PRKAR1B: variants seen among roughly 807,000 people sequenced by gnomAD.
PRKAR1B encodes cAMP-dependent protein kinase type I-beta regulatory subunit.
PRKAR1B carries 22 observed loss-of-function variants against 46.5 expected under a neutral mutation model. The observed-to-expected ratio is 0.47, with a 90% CI of 0.34 to 0.68. PRKAR1B has a LOEUF of 0.68. Ranked by LOEUF, PRKAR1B falls within the 30% of genes least tolerant of loss-of-function variation. The pLI is 0.01. For missense variants in PRKAR1B, 445 were observed against 535.6 expected, an observed-to-expected ratio of 0.83 and a Z score of 1.67; for synonymous variants, 259 against 217.7, an observed-to-expected ratio of 1.19 and a Z score of -1.67.
intron 4 of PRKAR1B, among the ~76,000 whole-genome samples, chr7:639,247 C>CG (rs1784272916): frequency 6.6e-6 from 1 of 152,138 alleles, no homozygotes; most frequent in Non-Finnish European, 1.5e-5. Context: ...ATTAGTAAAA[C>CG]GGATTTGTAC....
At chr7:551,064 A>T (rs1784155076) in intron 10 of PRKAR1B, among the ~76,000 whole-genome samples, 1 of 150,196 alleles carries the variant, frequency 6.7e-6, no homozygotes, top group South Asian at 2.1e-4. Context: ...AAGCCCACCC[A>T]CCCCCAGCTG....
At chr7:610,998 C>A (rs753654327) in intron 4 of PRKAR1B, among the ~76,000 whole-genome samples, 4 of 152,222 alleles carry the variant, frequency 2.6e-5, no homozygotes, top group Non-Finnish European at 4.4e-5. Context: ...ACATTCCAGC[C>A]GGCCCTTCCT....
chr7:699,730 C>T (rs896584545), intron 2 of PRKAR1B, among the ~76,000 whole-genome samples: 6 of 152,028 alleles, frequency 3.9e-5, no homozygotes, highest in African/African-American at 1.2e-4. Context: ...CAGTGCTGGC[C>T]GGAGCCCGTG....
Position 550,098 on chromosome 7 carries a change from C to T in PRKAR1B, c.*332G>A, listed in dbSNP as rs574771485. The stretch of plus-strand genomic sequence containing the variant: ...GTCCTGGCCTGGTTCTGGGGAGGAC[C>T]GATCCTCAAGCATCTCCAGGAGACT... On this transcript the variant is annotated 3_prime_UTR_variant, in exon 11 of 11. Transcript: ENST00000537384. 673 of 333,650 alleles carry T rather than the reference C, an allele frequency of 2.0e-3. 5 individuals carry two copies. Among genetic ancestry groups the T allele is most frequent in the African/African-American group, 0.014 (627 of 45,800 alleles). The allele number at this position is 333,650 out of a possible 1,614,324, so 20.7% of individuals were successfully genotyped here.
intron 10 of PRKAR1B, 124 bp from the exon 11 acceptor site, chr7:550,726 A>T: frequency 1.4e-6 from 1 of 728,706 alleles, no homozygotes. Context: ...GGCACACGTG[A>T]ATTTCAAACA....
intron 2 of PRKAR1B, among the ~76,000 whole-genome samples, chr7:683,850 T>C (rs1352005274): frequency 6.6e-6 from 1 of 152,258 alleles, no homozygotes; most frequent in Non-Finnish European, 1.5e-5. Flanking sequence ...CCCAGCCCGA[T>C]GTGGCCGTCT....
At chr7:658,824 T>C (rs1284231743) in intron 4 of PRKAR1B, among the ~76,000 whole-genome samples, 1 of 152,090 alleles carries the variant, frequency 6.6e-6, no homozygotes, top group Non-Finnish European at 1.5e-5. Flanking sequence ...CTAATTTTTG[T>C]ATTTTTAGTA....
chr7:585,688 C>G (rs932436075), intron 7 of PRKAR1B, among the ~76,000 whole-genome samples: 1 of 152,078 alleles, frequency 6.6e-6, no homozygotes, highest in African/African-American at 2.4e-5. Flanking sequence ...ACATCGACCT[C>G]GCAACAGATA....
chr7:719,111 C>G (rs960815584), intron 1 of PRKAR1B, among the ~76,000 whole-genome samples: 3 of 152,124 alleles, frequency 2.0e-5, no homozygotes, highest in African/African-American at 7.2e-5. Flanking sequence ...CTGATCTCAG[C>G]TCCCTGCAAC....
Position 697,263 on chromosome 7 carries a change from G to C in PRKAR1B, c.177+14066C>G, listed in dbSNP as rs1006366180. Among the ~76,000 whole-genome samples the C allele has an allele frequency of 3.0e-4, 46 of 152,284 alleles. 1 individual carries two copies. The highest frequency in any genetic ancestry group is 1.1e-3 in the African/African-American group (45 of 41,556). ...AAAATATCTGGGCGGGGCCTGGGGT[G>C]GGGGTGGAATCTAAAGAGATTTCCT... On this transcript the variant is annotated intron_variant, in intron 2 of 10. Transcript: ENST00000537384.
chr7:591,324 G>A (rs981398486), intron 7 of PRKAR1B, among the ~76,000 whole-genome samples: 79 of 152,250 alleles, frequency 5.2e-4, no homozygotes, highest in African/African-American at 1.7e-3. Context: ...TGTGTCTGCC[G>A]GCATCCCCAA....
At chr7:722,762 G>C (rs2128535725) in intron 1 of PRKAR1B, among the ~76,000 whole-genome samples, 1 of 152,356 alleles carries the variant, frequency 6.6e-6, no homozygotes, top group South Asian at 2.1e-4. Flanking sequence ...ACCATGTTCA[G>C]GTTGTGGCTT....
rs1784189464 is a variant in PRKAR1B at position 637,662 on chromosome 7, C to T, written c.441-30210G>A. ...CAGCCTGGCCAACATAGTGAAACTC[C>T]GTCTCTACTAAAAATACAAAAAATT... On this transcript the variant is annotated intron_variant, in intron 4 of 10. Transcript: ENST00000537384. Among the ~76,000 whole-genome samples the T allele has an allele frequency of 2.0e-5, 3 of 151,786 alleles. No individual in the cohort carries two copies. The South Asian group carries it at 6.3e-4, about 32-fold the overall frequency.
chr7:625,430 A>G (rs1039668756), intron 4 of PRKAR1B, among the ~76,000 whole-genome samples: 1 of 152,258 alleles, frequency 6.6e-6, no homozygotes, highest in Non-Finnish European at 1.5e-5. Flanking sequence ...AATGGAATTG[A>G]AAATAGGAAA....
intron 8 of PRKAR1B, among the ~76,000 whole-genome samples, chr7:580,308 C>T (rs1471448633): frequency 3.3e-5 from 5 of 151,414 alleles, no homozygotes; most frequent in African/African-American, 4.9e-5. Context: ...AATCCCAGCA[C>T]TTTGGGAGGC....
At chr7:719,845 G>C (rs1388073894) in intron 1 of PRKAR1B, among the ~76,000 whole-genome samples, 2 of 152,072 alleles carry the variant, frequency 1.3e-5, no homozygotes, top group African/African-American at 4.8e-5. Flanking sequence ...GTTACTTTAT[G>C]GATGTCATAC....
intron 1 of PRKAR1B, among the ~76,000 whole-genome samples, chr7:724,578 T>A (rs1406956198): frequency 6.6e-6 from 1 of 152,240 alleles, no homozygotes; most frequent in East Asian, 1.9e-4. Flanking sequence ...CTCGGCCATG[T>A]CTTTATTAGC....
At chr7:715,542 C>T (rs745986879) in intron 1 of PRKAR1B, among the ~76,000 whole-genome samples, 4 of 152,084 alleles carry the variant, frequency 2.6e-5, no homozygotes, top group Non-Finnish European at 5.9e-5. Context: ...AATCACATAT[C>T]TTCCCATAGG....
intron 9 of PRKAR1B, among the ~76,000 whole-genome samples, chr7:569,458 G>A (rs918225817): frequency 5.9e-5 from 9 of 152,234 alleles, no homozygotes; most frequent in Non-Finnish European, 1.0e-4. Flanking sequence ...TGGGCCGAAC[G>A]TCCAGCTCAC....
Sources: gnomAD v4.1 joint callset for allele counts (sites outside exome capture counted in the v4.1 genomes callset) on GRCh38, gnomAD v4.1.1 for gene constraint, MANE v1.5 for transcripts, NCBI Gene and HGNC (gene_info 2026-07-23, HGNC 2026-07-21) for gene names.